Variants in ABI1 observed in about 807,000 individuals in gnomAD.
The protein encoded by ABI1 is abl interactor 1.
Under a neutral mutation model 54.6 loss-of-function variants are expected in ABI1, and 14 were observed. That is an observed-to-expected ratio of 0.26 (90% CI 0.17 to 0.40). The LOEUF is 0.40. ABI1 is among the 10% of genes least tolerant of loss of function. The pLI, the probability that ABI1 is intolerant of heterozygous loss-of-function variation, is 1.00. For missense variants in ABI1, 443 were observed against 598.3 expected, an observed-to-expected ratio of 0.74 and a Z score of 2.71; for synonymous variants, 194 against 209.3, an observed-to-expected ratio of 0.93 and a Z score of 0.63.
intron 2 of ABI1, among the ~76,000 whole-genome samples, chr10:26,806,887 C>G (rs1564523431): frequency 6.6e-6 from 1 of 152,166 alleles, no homozygotes; most frequent in African/African-American, 2.4e-5. Flanking sequence ...CCTTTGACTA[C>G]AAAAAGTTTT....
chr10:26,808,187 T>C (rs903310202), intron 2 of ABI1, among the ~76,000 whole-genome samples: 1 of 152,236 alleles, frequency 6.6e-6, no homozygotes, highest in African/African-American at 2.4e-5. Flanking sequence ...CTATTAGTTG[T>C]TCTTCAGGTA....
intron 2 of ABI1, among the ~76,000 whole-genome samples, chr10:26,815,433 G>C (rs933739895): frequency 5.9e-5 from 9 of 152,006 alleles, no homozygotes; most frequent in African/African-American, 2.2e-4. Flanking sequence ...AATGAGAATT[G>C]AATTCAGTAA....
rs139030403 is a variant in ABI1, at chr10:26,842,468, C to A, written c.117+18279G>T. ...TTTATTTTTGCTTTTATGGCCTAAGCTTTTAGTGTGGAATCCAAAAAGAAA... is the reference window on the plus strand; with the variant it reads ...TTTATTTTTGCTTTTATGGCCTAAGATTTTAGTGTGGAATCCAAAAAGAAA... On this transcript the variant is annotated intron_variant, in intron 1 of 10. Transcript: ENST00000376140. 1.5e-4 allele frequency among the ~76,000 whole-genome samples: 23 copies of A among 151,710 alleles called. 1 individual carries two copies. The East Asian group carries it at 4.5e-3, about 30-fold the overall frequency.
At chr10:26,755,480 T>C (rs532561053) in intron 9 of ABI1, among the ~76,000 whole-genome samples, 175 bp downstream of exon 9, 1 of 152,178 alleles carries the variant, frequency 6.6e-6, no homozygotes, top group Non-Finnish European at 1.5e-5. Flanking sequence ...TCAGTAACCA[T>C]GCACACAAAG....
chr10:26,789,202 G>C (rs1002836580), intron 2 of ABI1: 2 of 152,088 alleles, frequency 1.3e-5, no homozygotes, highest in African/African-American at 4.8e-5. Flanking sequence ...AGAGGTAGGG[G>C]TATCAAAAGT....
chr10:26,850,185 A>C (rs943459441), intron 1 of ABI1, among the ~76,000 whole-genome samples: 8 of 152,242 alleles, frequency 5.3e-5, no homozygotes, highest in African/African-American at 1.9e-4. Flanking sequence ...CTGAGATGCA[A>C]TAATGTAAAA....
intron 1 of ABI1, among the ~76,000 whole-genome samples, chr10:26,825,292 G>C (rs115273113): frequency 6.6e-6 from 1 of 152,204 alleles, no homozygotes; most frequent in Non-Finnish European, 1.5e-5. Context: ...TTGGGAGACT[G>C]AGGCAGGAGA....
chr10:26,754,806 G>A (rs186073671), intron 9 of ABI1, among the ~76,000 whole-genome samples: 1 of 152,142 alleles, frequency 6.6e-6, no homozygotes, highest in African/African-American at 2.4e-5. Context: ...TTCAGTAATA[G>A]TGGTATTTTT....
intron 1 of ABI1, among the ~76,000 whole-genome samples, chr10:26,827,835 C>T (rs1307636513): frequency 6.6e-6 from 1 of 152,174 alleles, no homozygotes; most frequent in Non-Finnish European, 1.5e-5. Context: ...CTTGTGATTC[C>T]ACCCACCTCA....
At chr10:26,771,034 G>C in intron 4 of ABI1, 41 bp downstream of exon 4, 1 of 1,611,034 alleles carries the variant, frequency 6.2e-7, no homozygotes, top group Non-Finnish European at 8.5e-7. Flanking sequence ...TATCAATACA[G>C]AGGAAATACT....
At chr10:26,783,193 C>T (rs993173315) in intron 2 of ABI1, among the ~76,000 whole-genome samples, 5 of 152,124 alleles carry the variant, frequency 3.3e-5, no homozygotes, top group East Asian at 3.9e-4. Flanking sequence ...GAGTGAAATA[C>T]GCCAGTCACA....
intron 2 of ABI1, among the ~76,000 whole-genome samples, chr10:26,810,088 G>C (rs527808077): frequency 4.6e-5 from 7 of 152,226 alleles, no homozygotes; most frequent in African/African-American, 1.7e-4. Flanking sequence ...GGGTAGAATG[G>C]GGACCCTACT....
At chr10:26,755,794 G>A in intron 8 of ABI1, 53 bp from the exon 9 acceptor site, 4 of 1,301,982 alleles carry the variant, frequency 3.1e-6, no homozygotes, top group Admixed American at 2.1e-5. Context: ...GGAAAGAAAA[G>A]GAAACAAACA....
chr10:26,781,805 T>C (rs1240782420), intron 2 of ABI1, among the ~76,000 whole-genome samples: 1 of 152,184 alleles, frequency 6.6e-6, no homozygotes, highest in Admixed American at 6.6e-5. Flanking sequence ...TAAGGGTCCA[T>C]TGTCTGATGA....
intron 2 of ABI1, among the ~76,000 whole-genome samples, chr10:26,782,021 G>A (rs1020735896): frequency 6.6e-6 from 1 of 152,260 alleles, no homozygotes; most frequent in Admixed American, 6.5e-5. Flanking sequence ...CTCATGGTGA[G>A]AGGAACCACA....
intron 1 of ABI1, among the ~76,000 whole-genome samples, chr10:26,850,099 T>C (rs994238784): frequency 1.3e-5 from 2 of 152,204 alleles, no homozygotes; most frequent in Non-Finnish European, 2.9e-5. Context: ...ATTTCCTTCA[T>C]ATACTTCAAC....
intron 4 of ABI1, 186 bp from the exon 5 acceptor site, chr10:26,770,531 T>A (rs760118733): frequency 2.8e-5 from 21 of 742,306 alleles, no homozygotes; most frequent in South Asian, 2.6e-4. Context: ...CCTATTATTT[T>A]ATGCCATTTA....
chr10:26,777,289 T>C (rs767117993), intron 2 of ABI1, 48 bp from the exon 3 acceptor site: 2 of 1,482,278 alleles, frequency 1.3e-6, no homozygotes, highest in East Asian at 2.4e-5. Context: ...TGACATAATA[T>C]GTTTGCTATC....
chr10:26,758,702 C>G (rs1258400444), intron 8 of ABI1, among the ~76,000 whole-genome samples: 1 of 152,130 alleles, frequency 6.6e-6, no homozygotes, highest in African/African-American at 2.4e-5. Flanking sequence ...TTTAATTTTA[C>G]CATTACTACG....
Sources: allele counts gnomAD v4.1 joint callset (sites outside exome capture counted in the v4.1 genomes callset), GRCh38; gene constraint gnomAD v4.1.1; transcripts MANE v1.5; gene names NCBI Gene and HGNC (gene_info 2026-07-23, HGNC 2026-07-21).